UNC5D: variants seen among roughly 807,000 people sequenced by gnomAD.
UNC5D encodes unc-5 netrin receptor D.
Under a neutral mutation model 105.4 loss-of-function variants are expected in UNC5D, and 39 were observed. The ratio of observed to expected loss-of-function variants is 0.37; its 90% CI spans 0.29 to 0.48. The LOEUF (loss-of-function observed/expected upper bound fraction) is 0.48. UNC5D is among the 20% of genes least tolerant of loss of function. The pLI is 0.98. For synonymous variants in UNC5D, 452 were observed against 450.4 expected (o/e 1.00, Z -0.04); for missense variants, 991 against 1,202.4 (o/e 0.82, Z 2.60).
chr8:35,727,390 G>C (rs1828933837), intron 10 of UNC5D: 1 of 152,192 alleles, frequency 6.6e-6, no homozygotes, highest in Non-Finnish European at 1.5e-5. Context: ...TCAGCATTGA[G>C]TCAGGGACAT....
intron 7 of UNC5D, among the ~76,000 whole-genome samples, chr8:35,705,026 C>G (rs940580079): frequency 4.7e-5 from 7 of 147,880 alleles, no homozygotes; most frequent in African/African-American, 1.5e-4. Flanking sequence ...TGCAGTGGCA[C>G]GATCTTGGCT....
chr8:35,347,688 T>G (rs947977568), intron 1 of UNC5D, among the ~76,000 whole-genome samples: 23 of 152,094 alleles, frequency 1.5e-4, no homozygotes, highest in African/African-American at 4.3e-4. Flanking sequence ...TGAACCATAA[T>G]CTAATCAGAG....
chr8:35,566,438 GA>G (rs1473736408), intron 2 of UNC5D, among the ~76,000 whole-genome samples: 8 of 151,894 alleles, frequency 5.3e-5, no homozygotes, highest in Non-Finnish European at 7.4e-5. Flanking sequence ...ATTTCTTTTG[GA>G]CTTAAAGGAA....
At chr8:35,596,972 C>A (rs1480315448) in intron 4 of UNC5D, among the ~76,000 whole-genome samples, 4 of 152,094 alleles carry the variant, frequency 2.6e-5, no homozygotes, top group Non-Finnish European at 5.9e-5. Context: ...AGGTTTGACT[C>A]TTCTATGGGA....
At chr8:35,359,600 C>CA (rs1197538455) in intron 1 of UNC5D, among the ~76,000 whole-genome samples, 5 of 152,116 alleles carry the variant, frequency 3.3e-5, no homozygotes, top group African/African-American at 9.7e-5. Context: ...CTTAGTTTTG[C>CA]AAAATATAGT....
chr8:35,507,825 T>A (rs964944852), intron 1 of UNC5D, among the ~76,000 whole-genome samples: 2 of 152,166 alleles, frequency 1.3e-5, no homozygotes, highest in Non-Finnish European at 2.9e-5. Context: ...TTCTATGATG[T>A]GATTATTACA....
intron 2 of UNC5D, among the ~76,000 whole-genome samples, chr8:35,565,415 A>G (rs935389650): frequency 6.6e-6 from 1 of 151,958 alleles, no homozygotes; most frequent in African/African-American, 2.4e-5. Context: ...TTGTTCGTCT[A>G]CTTTTTGGTG....
intron 1 of UNC5D, among the ~76,000 whole-genome samples, chr8:35,304,778 A>G (rs1416001465): frequency 1.3e-5 from 2 of 152,204 alleles, no homozygotes; most frequent in African/African-American, 4.8e-5. Flanking sequence ...TCACAGTGTG[A>G]CCTATTGGGT....
At chr8:35,767,849 A>G (rs752436804) in intron 15 of UNC5D, among the ~76,000 whole-genome samples, 3 of 152,146 alleles carry the variant, frequency 2.0e-5, no homozygotes, top group Non-Finnish European at 4.4e-5. Flanking sequence ...GGCTTTGAAC[A>G]TAAGCTTATA....
intron 1 of UNC5D, among the ~76,000 whole-genome samples, chr8:35,266,597 A>T (rs1023438581): frequency 6.6e-6 from 1 of 152,190 alleles, no homozygotes; most frequent in Non-Finnish European, 1.5e-5. Context: ...CATCCATTTT[A>T]TTATGCTCTT....
chr8:35,447,436 A>G (rs548076845), intron 1 of UNC5D, among the ~76,000 whole-genome samples: 2 of 152,222 alleles, frequency 1.3e-5, no homozygotes, highest in African/African-American at 2.4e-5. Flanking sequence ...GAAGTGGCCT[A>G]TGGGAGAATA....
chr8:35,733,080 T>C (rs754580502), intron 11 of UNC5D, among the ~76,000 whole-genome samples: 3 of 150,552 alleles, frequency 2.0e-5, no homozygotes, highest in Non-Finnish European at 4.4e-5. Flanking sequence ...TTTTTCTCTC[T>C]ACTAAACTGT....
intron 1 of UNC5D, among the ~76,000 whole-genome samples, chr8:35,354,957 A>G (rs1036206617): frequency 6.6e-6 from 1 of 152,172 alleles, no homozygotes; most frequent in Non-Finnish European, 1.5e-5. Flanking sequence ...GCACAGTGCT[A>G]TCAGGGTAGT....
intron 1 of UNC5D, among the ~76,000 whole-genome samples, chr8:35,420,726 G>A (rs987608687): frequency 4.4e-5 from 6 of 136,756 alleles, no homozygotes; most frequent in African/African-American, 1.6e-4. Flanking sequence ...TAATTAAATG[G>A]TATTAATACC....
chr8:35,622,073 G>T (rs1235509833), intron 4 of UNC5D, among the ~76,000 whole-genome samples: 1 of 152,086 alleles, frequency 6.6e-6, no homozygotes, highest in Non-Finnish European at 1.5e-5. Context: ...GCCGGGCGCG[G>T]TGGCTCACAC....
intron 1 of UNC5D, among the ~76,000 whole-genome samples, chr8:35,279,005 TAAGA>T (rs1372061755): frequency 1.3e-5 from 2 of 152,158 alleles, no homozygotes; most frequent in Admixed American, 6.5e-5. Context: ...TTATCTACCC[TAAGA>T]AAGAGCCAGG....
At position 35,383,936 on chromosome 8, in the gene UNC5D, G is replaced by A. The variant is rs369180558; in HGVS notation, c.103+148049G>A. On this transcript the variant is annotated intron_variant, in intron 1 of 16. Coordinates refer to ENST00000404895, the MANE Select transcript of UNC5D (RefSeq NM_080872.4). ...TCTACTGAAAAAATAAAAATAAGAG[G>A]CTGGGCGCGGTGGCTCACGCCTGTC... 1.7e-3 allele frequency among the ~76,000 whole-genome samples: 259 copies of A among 152,016 alleles called. 9 individuals are homozygous for A. The South Asian group carries it at 0.048, about 28-fold the overall frequency.
chr8:35,595,809 T>A (rs1819458561), intron 4 of UNC5D, 152 bp downstream of exon 4: 1 of 658,220 alleles, frequency 1.5e-6, no homozygotes, highest in African/African-American at 1.8e-5. Context: ...GTGAAGAAAT[T>A]GTCTAGGAAA....
intron 16 of UNC5D, among the ~76,000 whole-genome samples, chr8:35,778,889 A>C (rs960307736): frequency 6.6e-6 from 1 of 152,208 alleles, no homozygotes; most frequent in South Asian, 2.1e-4. Context: ...AGGGAATGTA[A>C]AGTTAAAAGC....
Sources: gnomAD v4.1 joint callset for allele counts (sites outside exome capture counted in the v4.1 genomes callset) on GRCh38, gnomAD v4.1.1 for gene constraint, MANE v1.5 for transcripts, NCBI Gene and HGNC (gene_info 2026-07-23, HGNC 2026-07-21) for gene names.